IFT25: variants seen among roughly 807,000 people sequenced by gnomAD.
IFT25 encodes intraflagellar transport 25, also known as intraflagellar transport protein 25 homolog.
the IFT25 span, among the ~76,000 whole-genome samples, chr1:53,913,031 G>GT: frequency 6.6e-6 from 1 of 152,208 alleles, no homozygotes; most frequent in East Asian, 1.9e-4. Context: ...GCCAGCTGCT[G>GT]TGAGTGTTGG....
chr1:53,944,058 C>T, the IFT25 span, among the ~76,000 whole-genome samples: 1 of 152,216 alleles, frequency 6.6e-6, no homozygotes, highest in Non-Finnish European at 1.5e-5. Context: ...CAAACACATG[C>T]TTTAATACAA....
the IFT25 span, among the ~76,000 whole-genome samples, chr1:53,939,292 G>C: frequency 6.6e-6 from 1 of 151,318 alleles, no homozygotes; most frequent in Non-Finnish European, 1.5e-5. Flanking sequence ...TCAAGAGGCT[G>C]AGGCAGGAGA....
At chr1:53,927,329 C>T in the IFT25 span, among the ~76,000 whole-genome samples, 1 of 152,186 alleles carries the variant, frequency 6.6e-6, no homozygotes, top group African/African-American at 2.4e-5. Context: ...TTTAGTTTCT[C>T]CAAAGATGAA....
the IFT25 span, among the ~76,000 whole-genome samples, chr1:53,913,940 A>C: frequency 0.018 from 2,732 of 152,332 alleles, 91 homozygotes; most frequent in African/African-American, 0.063. Flanking sequence ...TCCAGCCTCC[A>C]GAGTGGTGAG....
the IFT25 span, among the ~76,000 whole-genome samples, chr1:53,940,516 C>A: frequency 6.6e-6 from 1 of 152,066 alleles, no homozygotes; most frequent in East Asian, 1.9e-4. Context: ...AAAAATACAT[C>A]AATTATTCCA....
the IFT25 span, among the ~76,000 whole-genome samples, chr1:53,943,977 A>G: frequency 6.6e-6 from 1 of 152,206 alleles, no homozygotes; most frequent in Non-Finnish European, 1.5e-5. Flanking sequence ...GAGCAGATGA[A>G]TAGGAAAGAA....
chr1:53,924,558 C>T, the IFT25 span, among the ~76,000 whole-genome samples: 4 of 152,116 alleles, frequency 2.6e-5, no homozygotes, highest in South Asian at 2.1e-4. Flanking sequence ...TAATGACAGC[C>T]GGGCACAGTG....
At chr1:53,945,399 AC>A in the IFT25 span, among the ~76,000 whole-genome samples, 2 of 151,394 alleles carry the variant, frequency 1.3e-5, no homozygotes, top group African/African-American at 4.9e-5. Flanking sequence ...CCCGCGTCAG[AC>A]CTCCCGCCGC....
chr1:53,938,182 T>G, the IFT25 span, among the ~76,000 whole-genome samples: 1 of 152,208 alleles, frequency 6.6e-6, no homozygotes, highest in African/African-American at 2.4e-5. Context: ...GAGGGTCAAC[T>G]GACAAAGTAT....
the IFT25 span, chr1:53,921,655 G>A: frequency 1.9e-6 from 3 of 1,568,692 alleles, no homozygotes; most frequent in Non-Finnish European, 1.8e-6. Context: ...TTATCATTAT[G>A]AGGAAAGATT....
chr1:53,941,727 T>G, the IFT25 span, among the ~76,000 whole-genome samples: 1 of 152,192 alleles, frequency 6.6e-6, no homozygotes, highest in African/African-American at 2.4e-5. Context: ...ATTTCATTAT[T>G]AAAATGGTAA....
At chr1:53,942,230 T>C in the IFT25 span, among the ~76,000 whole-genome samples, 1 of 152,208 alleles carries the variant, frequency 6.6e-6, no homozygotes, top group African/African-American at 2.4e-5. Context: ...TACTCAGTTT[T>C]GAAAAAAATC....
chr1:53,942,295 A>G, the IFT25 span, among the ~76,000 whole-genome samples: 2 of 152,244 alleles, frequency 1.3e-5, no homozygotes, highest in African/African-American at 4.8e-5. Flanking sequence ...CCTGTGAGCC[A>G]TATCTAGCCT....
chr1:53,945,605 C>G, the IFT25 span: 1 of 152,800 alleles, frequency 6.5e-6, no homozygotes, highest in Non-Finnish European at 1.5e-5. Flanking sequence ...TCGAAACCTC[C>G]CTTGCGCCCC....
chr1:53,935,672 C>G, the IFT25 span, among the ~76,000 whole-genome samples: 17 of 151,020 alleles, frequency 1.1e-4, no homozygotes, highest in African/African-American at 4.2e-4. Flanking sequence ...CTCTCTCACT[C>G]AGGCTGGAGT....
the IFT25 span, among the ~76,000 whole-genome samples, chr1:53,916,178 C>CA: frequency 0.047 from 3,215 of 68,246 alleles, 87 homozygotes; most frequent in East Asian, 0.15. Context: ...GACCTGCTCT[C>CA]AAAAAAAAAA....
chr1:53,946,094 G>C, the IFT25 span: 1 of 151,674 alleles, frequency 6.6e-6, no homozygotes, highest in Non-Finnish European at 1.5e-5. Context: ...CGCGGGCCAA[G>C]ATGCGAAACC....
the IFT25 span, chr1:53,930,296 T>C: frequency 2.0e-5 from 15 of 753,142 alleles, no homozygotes; most frequent in Non-Finnish European, 2.8e-5. Context: ...TCTCCAACTT[T>C]AATAATTCTT....
the IFT25 span, chr1:53,940,216 A>T: frequency 1.7e-6 from 1 of 602,066 alleles, no homozygotes; most frequent in East Asian, 2.8e-5. Context: ...AAGCTATTCA[A>T]CATGTGGGAG....
Sources: allele counts gnomAD v4.1 joint callset (sites outside exome capture counted in the v4.1 genomes callset), GRCh38; gene constraint gnomAD v4.1.1; transcripts MANE v1.5; gene names NCBI Gene and HGNC (gene_info 2026-07-23, HGNC 2026-07-21).